CNTN4: variants seen among roughly 807,000 people sequenced by gnomAD.
CNTN4 encodes the protein contactin 4.
A neutral mutation model predicts 122.5 loss-of-function variants in CNTN4; 77 were observed. That is an observed-to-expected ratio of 0.63 (90% confidence interval 0.52 to 0.76). The LOEUF (loss-of-function observed/expected upper bound fraction) is 0.76. Among genes scored for constraint, CNTN4 ranks in the 30% least tolerant of loss-of-function variants. CNTN4 has a pLI of 0.00. For missense variants in CNTN4, 1,256 were observed against 1,259.1 expected (o/e 1.00, Z 0.04); for synonymous variants, 512 against 447.0 (o/e 1.15, Z -1.83).
rs185908289 is a variant in CNTN4 at position 2,401,320 on chromosome 3, C to G, written c.-89+62087C>G. Among the ~76,000 whole-genome samples, 253 of 152,210 alleles carry G rather than the reference C, an allele frequency of 1.7e-3. 3 individuals are homozygous for G. Among genetic ancestry groups the G allele is most frequent in the African/African-American group, 5.5e-3 (230 of 41,538 alleles). On this transcript the variant is annotated intron_variant, in intron 3 of 24. Coordinates refer to ENST00000418658, the MANE Select transcript of CNTN4 (RefSeq NM_175607.3). The stretch of plus-strand genomic sequence containing the variant: ...GAGTCAGACCCAGAAATCAGGTCTC[C>G]TGACTTCTTGTATAATGTCCTTTTT...
intron 2 of CNTN4, among the ~76,000 whole-genome samples, chr3:2,226,322 C>T (rs553129018): frequency 9.2e-5 from 14 of 152,116 alleles, no homozygotes; most frequent in African/African-American, 2.4e-4. Context: ...ATTTGGGCTC[C>T]GTAAGAATCT....
Position 2,618,423 on chromosome 3 carries a change from T to A in CNTN4, c.55+46865T>A, listed in dbSNP as rs536555915. On this transcript the variant is annotated intron_variant, in intron 4 of 24. Coordinates refer to ENST00000418658, the MANE Select transcript of CNTN4 (RefSeq NM_175607.3). ...ATTACAAATGTTTGCTCTATATAAA[T>A]AAGCTATATGTGGGATATCCAATAT... is the stretch of plus-strand genomic sequence containing the variant. Among the ~76,000 whole-genome samples, 75 of 152,302 alleles carry A rather than the reference T, an allele frequency of 4.9e-4. 1 individual carries two copies. In the South Asian group the frequency reaches 0.015, roughly 31 times the overall value.
At chr3:2,253,019 G>T (rs548619050) in intron 2 of CNTN4, among the ~76,000 whole-genome samples, 1 of 152,152 alleles carries the variant, frequency 6.6e-6, no homozygotes, top group Non-Finnish European at 1.5e-5. Flanking sequence ...AAACCAATAT[G>T]AAGTAGTTGT....
chr3:2,426,586 A>G (rs893570218), intron 3 of CNTN4, among the ~76,000 whole-genome samples: 8 of 152,176 alleles, frequency 5.3e-5, no homozygotes, highest in African/African-American at 1.2e-4. Context: ...TGGCCTCATA[A>G]AATGAGTTAG....
intron 14 of CNTN4, among the ~76,000 whole-genome samples, chr3:2,998,004 G>T (rs776956025): frequency 2.0e-5 from 3 of 152,112 alleles, no homozygotes; most frequent in Non-Finnish European, 4.4e-5. Context: ...TGTAAGTAAA[G>T]CTTGGATTCT....
intron 3 of CNTN4, among the ~76,000 whole-genome samples, chr3:2,406,716 A>G (rs2047052304): frequency 6.6e-6 from 1 of 152,230 alleles, no homozygotes; most frequent in African/African-American, 2.4e-5. Context: ...TTTGCCTAAC[A>G]ATACAGAGCC....
chr3:2,122,353 G>T (rs746382673), intron 2 of CNTN4, among the ~76,000 whole-genome samples: 18 of 151,862 alleles, frequency 1.2e-4, no homozygotes, highest in Admixed American at 5.9e-4. Context: ...AACTGATTTT[G>T]TCAGTTAAAA....
rs939625412 is a variant in CNTN4 at position 3,057,167 on chromosome 3, A to G, written c.*947A>G. ...ATTTAAAAAAAGTAATTCTCTGTCA[A>G]TGGATTCGTAATTTCTTTACAAAAT... On this transcript the variant is annotated 3_prime_UTR_variant, in exon 25 of 25. Coordinates refer to ENST00000418658, the MANE Select transcript of CNTN4 (RefSeq NM_175607.3). The G allele has an allele frequency of 1.3e-5, 2 of 152,538 alleles. No individual in the cohort carries two copies. The highest frequency in any genetic ancestry group is 4.8e-5 in the African/African-American group (2 of 41,462). 9.4% of individuals were successfully genotyped at this position (152,538 alleles called of 1,614,324 possible). A position where few individuals can be genotyped will look rare whatever the true frequency, so the allele number is the denominator to read the frequency against.
chr3:2,456,975 T>G (rs775881282), intron 3 of CNTN4, among the ~76,000 whole-genome samples: 1 of 152,156 alleles, frequency 6.6e-6, no homozygotes, highest in Non-Finnish European at 1.5e-5. Flanking sequence ...AGGTGAATAC[T>G]ATTATTATCT....
At chr3:2,143,869 C>T (rs945564872) in intron 2 of CNTN4, among the ~76,000 whole-genome samples, 1 of 152,148 alleles carries the variant, frequency 6.6e-6, no homozygotes, top group African/African-American at 2.4e-5. Flanking sequence ...GTATCCATGA[C>T]TAATTTTAAT....
chr3:2,273,741 A>C (rs1253541808), intron 2 of CNTN4, among the ~76,000 whole-genome samples: 1 of 152,204 alleles, frequency 6.6e-6, no homozygotes, highest in Admixed American at 6.5e-5. Flanking sequence ...TGAACCAAAA[A>C]CAAAAACCTG....
chr3:3,004,610 T>A (rs954832168), intron 14 of CNTN4, among the ~76,000 whole-genome samples: 4 of 152,128 alleles, frequency 2.6e-5, no homozygotes, highest in African/African-American at 9.7e-5. Context: ...CTGTTGAAAG[T>A]GCGTTTGTAA....
At chr3:2,832,605 A>T (rs565678242) in intron 7 of CNTN4, among the ~76,000 whole-genome samples, 1 of 152,326 alleles carries the variant, frequency 6.6e-6, no homozygotes, top group Admixed American at 6.5e-5. Context: ...TCTGGAGTGG[A>T]GAGGTTGTCA....
At chr3:2,951,548 T>C (rs1292778732) in intron 13 of CNTN4, among the ~76,000 whole-genome samples, 1 of 152,220 alleles carries the variant, frequency 6.6e-6, no homozygotes. Context: ...TGTTCTAGAC[T>C]ACTGTGTAAA....
chr3:2,814,920 G>T (rs2092693255), intron 6 of CNTN4, among the ~76,000 whole-genome samples: 1 of 152,206 alleles, frequency 6.6e-6, no homozygotes, highest in Non-Finnish European at 1.5e-5. Flanking sequence ...TAGTCTGCAA[G>T]TCAATTCTAT....
At chr3:2,136,432 T>C (rs2034696295) in intron 2 of CNTN4, among the ~76,000 whole-genome samples, 1 of 152,244 alleles carries the variant, frequency 6.6e-6, no homozygotes, top group African/African-American at 2.4e-5. Flanking sequence ...TAGTAAGTGA[T>C]ATAGCCAACT....
chr3:2,878,553 C>CTCTGTGTG (rs930160038), intron 8 of CNTN4, among the ~76,000 whole-genome samples: 10 of 146,950 alleles, frequency 6.8e-5, no homozygotes, highest in African/African-American at 2.5e-4. Flanking sequence ...GAGATGCTCT[C>CTCTGTGTG]TGTGTGTGTG....
At chr3:2,923,216 G>T (rs1185330749) in intron 12 of CNTN4, among the ~76,000 whole-genome samples, 1 of 152,062 alleles carries the variant, frequency 6.6e-6, no homozygotes, top group Non-Finnish European at 1.5e-5. Flanking sequence ...AAAATTATAT[G>T]TGTAGAAAGA....
At chr3:2,507,956 T>C (rs1329458717) in intron 3 of CNTN4, among the ~76,000 whole-genome samples, 1 of 152,078 alleles carries the variant, frequency 6.6e-6, no homozygotes, top group Non-Finnish European at 1.5e-5. Flanking sequence ...GGTAGATGAA[T>C]ATCAAGGCAT....
Sources: gnomAD v4.1 joint callset for allele counts (sites outside exome capture counted in the v4.1 genomes callset) on GRCh38, gnomAD v4.1.1 for gene constraint, MANE v1.5 for transcripts, NCBI Gene and HGNC (gene_info 2026-07-23, HGNC 2026-07-21) for gene names.